Variants in SOS1 observed in about 807,000 individuals in gnomAD.
SOS1 encodes SOS Ras/Rac guanine nucleotide exchange factor 1.
SOS1 carries 25 observed loss-of-function variants against 157.6 expected under a neutral mutation model. The ratio of observed to expected loss-of-function variants is 0.16; its 90% CI spans 0.12 to 0.22. SOS1 has a LOEUF of 0.22. Among genes scored for constraint, SOS1 ranks in the 10% least tolerant of loss-of-function variants. SOS1 has a pLI of 1.00. For missense variants in SOS1, 1,237 were observed against 1,599.1 expected, an observed-to-expected ratio of 0.77 and a Z score of 3.86; for synonymous variants, 528 against 534.0, an observed-to-expected ratio of 0.99 and a Z score of 0.16.
At chr2:39,022,014 G>T (rs1669814042) in intron 10 of SOS1, among the ~76,000 whole-genome samples, 1 of 150,888 alleles carries the variant, frequency 6.6e-6, no homozygotes, top group Non-Finnish European at 1.5e-5. Flanking sequence ...TAAATTTTTG[G>T]GTCAGTAAAA....
intron 10 of SOS1, among the ~76,000 whole-genome samples, chr2:39,019,391 C>G (rs1015236552): frequency 1.2e-4 from 18 of 151,726 alleles, no homozygotes; most frequent in Non-Finnish European, 2.4e-4. Flanking sequence ...AATTCCTACT[C>G]TCAACTTTTT....
In SOS1 at chr2:39,120,054, CTGT is replaced by C. The variant is rs1408596983; in HGVS notation, c.87+279_87+281del. ...CCGCTGAAAACTGAGGCTCCTCCAACTGTTGTTGTCCTGGAATCAAAGGGCAAA... is the reference window on the plus strand; with the variant it reads ...CCGCTGAAAACTGAGGCTCCTCCAACTGTTGTCCTGGAATCAAAGGGCAAA... On this transcript the variant is annotated intron_variant, in intron 1 of 22. Transcript: ENST00000402219. 5.3e-5 allele frequency among the ~76,000 whole-genome samples: 8 copies of C among 152,322 alleles called. No individual in the cohort carries two copies. The East Asian group carries it at 5.8e-4, about 11-fold the overall frequency.
intron 1 of SOS1, among the ~76,000 whole-genome samples, chr2:39,106,401 T>TAA (rs1206594155): frequency 6.6e-6 from 1 of 151,404 alleles, no homozygotes; most frequent in East Asian, 1.9e-4. Context: ...CCATCCCGGC[T>TAA]AAAACGGTGA....
chr2:39,100,752 C>CA (rs1672937283), intron 1 of SOS1, among the ~76,000 whole-genome samples: 5 of 152,008 alleles, frequency 3.3e-5, no homozygotes, highest in Admixed American at 3.3e-4. Context: ...CCTGTCTCTA[C>CA]AAAAAATTTA....
chr2:39,089,992 T>C (rs79885255), intron 1 of SOS1, among the ~76,000 whole-genome samples: 1 of 141,810 alleles, frequency 7.1e-6, no homozygotes, highest in Non-Finnish European at 1.6e-5. Flanking sequence ...AAAAAAAAAT[T>C]AGCCAGGCAT....
At chr2:39,121,260 T>A (rs1673884945), upstream of SOS1, among the ~76,000 whole-genome samples, 1 of 151,908 alleles carries the variant, frequency 6.6e-6, no homozygotes, top group Non-Finnish European at 1.5e-5. Flanking sequence ...GGGTGATGAC[T>A]AGGGTAAAGA....
chr2:39,093,344 T>G (rs947382123), intron 1 of SOS1, among the ~76,000 whole-genome samples: 2 of 152,180 alleles, frequency 1.3e-5, no homozygotes, highest in Non-Finnish European at 2.9e-5. Context: ...TGAGGCACAT[T>G]TGTGTACTCT....
intron 6 of SOS1, among the ~76,000 whole-genome samples, chr2:39,035,832 A>C (rs549083269): frequency 6.6e-6 from 1 of 152,316 alleles, no homozygotes; most frequent in East Asian, 1.9e-4. Flanking sequence ...ACAACAACAA[A>C]GAATATAGAT....
At chr2:39,049,238 G>T (rs982136332) in intron 6 of SOS1, among the ~76,000 whole-genome samples, 4 of 152,066 alleles carry the variant, frequency 2.6e-5, no homozygotes, top group African/African-American at 9.7e-5. Context: ...CTTTCAATTG[G>T]CCTTTCATAT....
chr2:39,056,133 A>C (rs531544298), intron 4 of SOS1, among the ~76,000 whole-genome samples: 10 of 152,348 alleles, frequency 6.6e-5, no homozygotes, highest in Non-Finnish European at 1.2e-4. Context: ...AATAAATTTT[A>C]AGAAATTAAC....
chr2:39,041,796 A>G (rs1670581291), intron 6 of SOS1, among the ~76,000 whole-genome samples: 1 of 151,780 alleles, frequency 6.6e-6, no homozygotes, highest in Admixed American at 6.5e-5. Flanking sequence ...GGTTTACTCT[A>G]TGTGTTAACA....
At chr2:39,029,833 T>G (rs894904875) in intron 8 of SOS1, among the ~76,000 whole-genome samples, 1 of 152,034 alleles carries the variant, frequency 6.6e-6, no homozygotes, top group Non-Finnish European at 1.5e-5. Context: ...TTTCTGAATT[T>G]AGAAAGCTGG....
intron 17 of SOS1, among the ~76,000 whole-genome samples, chr2:38,999,708 G>A (rs1448562072): frequency 1.3e-5 from 2 of 152,140 alleles, no homozygotes; most frequent in Non-Finnish European, 1.5e-5. Context: ...TGACAAACAC[G>A]TCCATAAGAG....
At chr2:39,110,055 T>C (rs1014997302) in intron 1 of SOS1, among the ~76,000 whole-genome samples, 130 of 151,032 alleles carry the variant, frequency 8.6e-4, no homozygotes, top group African/African-American at 2.5e-3. Flanking sequence ...TGTGTGTGTG[T>C]GTGTGTGTGT....
chr2:39,059,561 T>G (rs1671330565), intron 2 of SOS1, among the ~76,000 whole-genome samples: 1 of 152,190 alleles, frequency 6.6e-6, no homozygotes, highest in African/African-American at 2.4e-5. Flanking sequence ...GAGGTCGCTA[T>G]TACATAACTT....
At chr2:39,068,720 A>T (rs1264658892) in intron 1 of SOS1, among the ~76,000 whole-genome samples, 1 of 150,456 alleles carries the variant, frequency 6.6e-6, no homozygotes, top group Non-Finnish European at 1.5e-5. Flanking sequence ...GAAAAGTTTT[A>T]CTTAAGAGTC....
chr2:39,090,657 T>C lies in SOS1; in HGVS notation c.88-22904A>G, dbSNP rs555123484. Among the ~76,000 whole-genome samples the C allele has an allele frequency of 7.2e-5, 11 of 152,046 alleles. No homozygotes were observed. In the East Asian group the frequency reaches 9.7e-4, roughly 13 times the overall value. ...GTTGCATTGAGCCCAGATCGCGCCA[T>C]TGCACTCCAGCCTGAGCGACAGAAC... On this transcript the variant is annotated intron_variant, in intron 1 of 22. Transcript: ENST00000402219.
At chr2:39,018,148 T>C (rs1407901048) in intron 10 of SOS1, among the ~76,000 whole-genome samples, 1 of 151,896 alleles carries the variant, frequency 6.6e-6, no homozygotes, top group Non-Finnish European at 1.5e-5. Flanking sequence ...TTTGGCTTTA[T>C]AACATAAGCA....
At chr2:39,013,353 C>T (rs1669528267) in intron 13 of SOS1, 107 bp downstream of exon 13, 3 of 771,422 alleles carry the variant, frequency 3.9e-6, no homozygotes, top group East Asian at 5.0e-5. Flanking sequence ...TATGCTGGTA[C>T]TATTATAAAC....
Sources: allele counts gnomAD v4.1 joint callset (sites outside exome capture counted in the v4.1 genomes callset), GRCh38; gene constraint gnomAD v4.1.1; transcripts MANE v1.5; gene names NCBI Gene and HGNC (gene_info 2026-07-23, HGNC 2026-07-21).